The following CNTN4 variants were observed in gnomAD, a reference collection of about 807,000 sequenced individuals.
CNTN4 encodes contactin-4.
CNTN4 carries 77 observed loss-of-function variants against 122.5 expected under a neutral mutation model. That is an observed-to-expected ratio of 0.63 (90% confidence interval 0.52 to 0.76). The LOEUF is 0.76. Ranked by LOEUF, CNTN4 falls within the 30% of genes least tolerant of loss-of-function variation. The pLI, the probability that CNTN4 is intolerant of heterozygous loss-of-function variation, is 0.00. For missense variants in CNTN4, 1,256 were observed against 1,259.1 expected, an observed-to-expected ratio of 1.00 and a Z score of 0.04; for synonymous variants, 512 against 447.0, an observed-to-expected ratio of 1.15 and a Z score of -1.83.
chr3:2,558,690 C>T (rs1443830059), intron 3 of CNTN4, among the ~76,000 whole-genome samples: 1 of 152,100 alleles, frequency 6.6e-6, no homozygotes, highest in Admixed American at 6.5e-5. Context: ...CACATAAATT[C>T]TTAATTTCCT....
intron 2 of CNTN4, among the ~76,000 whole-genome samples, chr3:2,133,109 GT>G (rs2034528310): frequency 1.3e-5 from 2 of 152,296 alleles, no homozygotes; most frequent in Admixed American, 6.5e-5. Context: ...GATAGGAGGA[GT>G]TGAGAAGAGG....
chr3:2,275,736 A>G (rs1627906), intron 2 of CNTN4, among the ~76,000 whole-genome samples: 2 of 151,818 alleles, frequency 1.3e-5, no homozygotes, highest in African/African-American at 4.8e-5. Context: ...CCTGGCCAAC[A>G]TGATGAAACC....
At chr3:2,102,061 G>T (rs2032012391) in intron 2 of CNTN4, among the ~76,000 whole-genome samples, 1 of 152,166 alleles carries the variant, frequency 6.6e-6, no homozygotes, top group African/African-American at 2.4e-5. Flanking sequence ...TGTAAAGGAT[G>T]AATGTGTTTT....
chr3:2,422,963 C>A (rs1244810783), intron 3 of CNTN4, among the ~76,000 whole-genome samples: 2 of 152,164 alleles, frequency 1.3e-5, no homozygotes, highest in Non-Finnish European at 2.9e-5. Flanking sequence ...AATTTCCATG[C>A]CAAACTGAAA....
chr3:2,159,292 A>T (rs1027394772), intron 2 of CNTN4, among the ~76,000 whole-genome samples: 3 of 152,190 alleles, frequency 2.0e-5, no homozygotes, highest in Non-Finnish European at 4.4e-5. Flanking sequence ...ATATCCCTGA[A>T]GCTTACAATA....
At chr3:2,766,832 T>A (rs2090883239) in intron 6 of CNTN4, among the ~76,000 whole-genome samples, 1 of 152,200 alleles carries the variant, frequency 6.6e-6, no homozygotes, top group African/African-American at 2.4e-5. Flanking sequence ...TATGTCTCTT[T>A]TATATTGAGA....
intron 13 of CNTN4, among the ~76,000 whole-genome samples, chr3:2,972,379 C>T (rs1037383072): frequency 2.0e-5 from 3 of 151,932 alleles, no homozygotes; most frequent in East Asian, 1.9e-4. Context: ...AATAAATTCC[C>T]GATATTTACC....
At chr3:2,780,368 G>A (rs2091520684) in intron 6 of CNTN4, among the ~76,000 whole-genome samples, 1 of 152,100 alleles carries the variant, frequency 6.6e-6, no homozygotes, top group Admixed American at 6.5e-5. Context: ...TCTCAGCCCT[G>A]TTCCCCTAAA....
intron 3 of CNTN4, among the ~76,000 whole-genome samples, chr3:2,497,717 C>G (rs1012206199): frequency 6.6e-5 from 10 of 152,106 alleles, no homozygotes; most frequent in Admixed American, 1.3e-4. Flanking sequence ...TACTAAAGAG[C>G]TAAAATTTTT....
At chr3:2,274,403 AAAC>A in intron 2 of CNTN4, among the ~76,000 whole-genome samples, 1 of 151,148 alleles carries the variant, frequency 6.6e-6, no homozygotes, top group African/African-American at 2.4e-5. Flanking sequence ...ACAAACAAAC[AAAC>A]AAACAACCCA....
intron 2 of CNTN4, among the ~76,000 whole-genome samples, chr3:2,170,599 G>A (rs942935582): frequency 2.0e-5 from 3 of 152,050 alleles, no homozygotes; most frequent in Non-Finnish European, 4.4e-5. Flanking sequence ...CAGTTTTTCT[G>A]TTTTTGTTTT....
chr3:2,748,367 T>C (rs1467217495), intron 6 of CNTN4, among the ~76,000 whole-genome samples: 1 of 152,230 alleles, frequency 6.6e-6, no homozygotes, highest in Non-Finnish European at 1.5e-5. Flanking sequence ...AATAAATTCA[T>C]GTTCTGAGTA....
At position 2,843,443 on chromosome 3, in the gene CNTN4, C is replaced by A. The variant is rs185779727; in HGVS notation, c.455-23309C>A. Among the ~76,000 whole-genome samples the A allele has an allele frequency of 9.9e-5, 15 of 152,236 alleles. No homozygotes were observed. In the East Asian group the frequency reaches 2.9e-3, roughly 29 times the overall value. On this transcript the variant is annotated intron_variant, in intron 7 of 24. Transcript: ENST00000418658. ...CCTCCTTCTATTCCTGTTTCTCCAG[C>A]CTTTTGTTACATAAAAGCCAGGGTG...
At chr3:2,266,100 G>C (rs1160439435) in intron 2 of CNTN4, among the ~76,000 whole-genome samples, 1 of 151,968 alleles carries the variant, frequency 6.6e-6, no homozygotes, top group Non-Finnish European at 1.5e-5. Context: ...CCAGTACTAT[G>C]GTGAATGGAA....
At chr3:2,988,958 A>G (rs1165746141) in intron 14 of CNTN4, 4 of 166,436 alleles carry the variant, frequency 2.4e-5, no homozygotes, top group African/African-American at 7.2e-5. Context: ...GATCACCTCT[A>G]TGCTTTGCCT....
chr3:2,637,322 G>A (rs2082704310), intron 4 of CNTN4, among the ~76,000 whole-genome samples: 3 of 152,040 alleles, frequency 2.0e-5, no homozygotes, highest in Admixed American at 2.0e-4. Flanking sequence ...GTAAGTGAAT[G>A]GATTAACAAT....
chr3:2,355,391 A>G (rs527572636), intron 3 of CNTN4, among the ~76,000 whole-genome samples: 1 of 152,320 alleles, frequency 6.6e-6, no homozygotes, highest in African/African-American at 2.4e-5. Context: ...TGGCCAAGAA[A>G]TCTCAGTTGT....
intron 13 of CNTN4, among the ~76,000 whole-genome samples, chr3:2,969,622 G>A (rs1692695608): frequency 6.6e-6 from 1 of 152,072 alleles, no homozygotes; most frequent in Non-Finnish European, 1.5e-5. Flanking sequence ...GAGTGACGTT[G>A]CTTCTTCCCT....
chr3:2,580,259 T>C (rs2079876778), intron 4 of CNTN4, among the ~76,000 whole-genome samples: 2 of 152,076 alleles, frequency 1.3e-5, no homozygotes, highest in Admixed American at 1.3e-4. Flanking sequence ...TTAGGGTCTG[T>C]CTCCTGGCAG....
Sources: gnomAD v4.1 joint callset for allele counts (sites outside exome capture counted in the v4.1 genomes callset) on GRCh38, gnomAD v4.1.1 for gene constraint, MANE v1.5 for transcripts, NCBI Gene and HGNC (gene_info 2026-07-23, HGNC 2026-07-21) for gene names.